Variants in ELAVL2 observed in about 807,000 individuals in gnomAD.
ELAVL2 encodes ELAV-like protein 2.
ELAVL2 carries 4 observed loss-of-function variants against 34.6 expected under a neutral mutation model. The observed-to-expected ratio is 0.12, with a 90% CI of 0.06 to 0.26. The LOEUF is 0.26. Ranked by LOEUF, ELAVL2 falls within the 10% of genes least tolerant of loss-of-function variation. The pLI, the probability that ELAVL2 is intolerant of heterozygous loss-of-function variation, is 1.00. For synonymous variants in ELAVL2, 193 were observed against 154.8 expected (o/e 1.25, Z -1.83); for missense variants, 432 against 442.8 (o/e 0.98, Z 0.22).
intron 1 of ELAVL2, among the ~76,000 whole-genome samples, chr9:23,824,022 A>G (rs1784269026): frequency 6.6e-6 from 1 of 152,256 alleles, no homozygotes; most frequent in South Asian, 2.1e-4. Flanking sequence ...GGGGGAAGGG[A>G]CAGAATCCGT....
chr9:23,747,982 G>A (rs1015444616), intron 2 of ELAVL2, among the ~76,000 whole-genome samples: 1 of 152,050 alleles, frequency 6.6e-6, no homozygotes, highest in Non-Finnish European at 1.5e-5. Context: ...GGCAGAAATA[G>A]GCCACAAACC....
chr9:23,734,357 C>T (rs936427380), intron 2 of ELAVL2, among the ~76,000 whole-genome samples: 15 of 152,228 alleles, frequency 9.9e-5, no homozygotes, highest in South Asian at 2.1e-4. Flanking sequence ...TAACCATGTT[C>T]GGTATTCAGA....
At chr9:23,744,059 G>GGGTCCC (rs1164663429) in intron 2 of ELAVL2, among the ~76,000 whole-genome samples, 3 of 152,268 alleles carry the variant, frequency 2.0e-5, no homozygotes, top group South Asian at 2.1e-4. Context: ...TACCACAAAG[G>GGGTCCC]GGTCCCTAAG....
intron 5 of ELAVL2, among the ~76,000 whole-genome samples, chr9:23,695,928 TC>T (rs1446529230): frequency 6.6e-6 from 1 of 152,144 alleles, no homozygotes; most frequent in African/African-American, 2.4e-5. Context: ...CTCCCTCACT[TC>T]CATCTCTGGC....
chr9:23,723,396 G>A (rs534356838), intron 3 of ELAVL2, among the ~76,000 whole-genome samples: 3 of 151,618 alleles, frequency 2.0e-5, no homozygotes, highest in African/African-American at 7.3e-5. Context: ...ACAGGAAGGG[G>A]AACAACACAC....
intron 3 of ELAVL2, among the ~76,000 whole-genome samples, chr9:23,717,768 T>C (rs2042686719): frequency 6.6e-6 from 1 of 152,182 alleles, no homozygotes; most frequent in African/African-American, 2.4e-5. Flanking sequence ...TACTACACAA[T>C]GACATCAAGG....
intron 6 of ELAVL2, 81 bp downstream of exon 6, chr9:23,693,367 G>C (rs2033896545): frequency 1.3e-6 from 2 of 1,530,608 alleles, no homozygotes; most frequent in Non-Finnish European, 1.8e-6. Flanking sequence ...ACTTATGAGG[G>C]GTGTGAATAG....
intron 3 of ELAVL2, among the ~76,000 whole-genome samples, chr9:23,716,952 T>C (rs978537531): frequency 2.6e-5 from 4 of 152,146 alleles, no homozygotes; most frequent in African/African-American, 9.7e-5. Flanking sequence ...GCAAAACTTT[T>C]ATGAGCAGAG....
At chr9:23,754,272 T>C (rs78256911) in intron 2 of ELAVL2, among the ~76,000 whole-genome samples, 5 of 152,174 alleles carry the variant, frequency 3.3e-5, no homozygotes, top group African/African-American at 1.2e-4. Flanking sequence ...CTTTTCTGTA[T>C]CCTCAAATAG....
At chr9:23,793,508 T>C (rs978958689) in intron 1 of ELAVL2, among the ~76,000 whole-genome samples, 29 of 152,152 alleles carry the variant, frequency 1.9e-4, no homozygotes, top group African/African-American at 6.8e-4. Context: ...TTTCTAAAGC[T>C]ATCACCTAAA....
chr9:23,824,383 G>A (rs1395866254), intron 1 of ELAVL2, among the ~76,000 whole-genome samples: 1 of 152,164 alleles, frequency 6.6e-6, no homozygotes, highest in African/African-American at 2.4e-5. Context: ...CTGCCACCTT[G>A]CCATCCCTAG....
the ELAVL2 span, among the ~76,000 whole-genome samples, chr9:23,842,115 T>C: frequency 1.3e-5 from 2 of 152,150 alleles, no homozygotes; most frequent in Non-Finnish European, 2.9e-5. Context: ...TTTATCTAAG[T>C]CTCACCTTAG....
intron 1 of ELAVL2, among the ~76,000 whole-genome samples, chr9:23,778,927 G>C (rs536422815): frequency 6.6e-6 from 1 of 152,276 alleles, no homozygotes; most frequent in Admixed American, 6.5e-5. Context: ...TGTCCACAAA[G>C]AATTAGGTAT....
At chr9:23,742,156 G>T (rs1316255316) in intron 2 of ELAVL2, among the ~76,000 whole-genome samples, 2 of 152,122 alleles carry the variant, frequency 1.3e-5, no homozygotes, top group Non-Finnish European at 2.9e-5. Context: ...AAAACTAACA[G>T]ATATGGATAA....
intron 1 of ELAVL2, among the ~76,000 whole-genome samples, chr9:23,814,521 T>C (rs2063448594): frequency 6.6e-6 from 1 of 152,048 alleles, no homozygotes; most frequent in South Asian, 2.1e-4. Flanking sequence ...ACTGATGACC[T>C]CGTATTTGGG....
intron 4 of ELAVL2, among the ~76,000 whole-genome samples, chr9:23,702,618 T>C (rs113431614): frequency 0.013 from 1,931 of 152,060 alleles, 42 homozygotes; most frequent in African/African-American, 0.045. Context: ...CTACTTGCTT[T>C]AAAATTAATA....
At chr9:23,770,504 G>T (rs963033292) in intron 1 of ELAVL2, among the ~76,000 whole-genome samples, 5 of 152,204 alleles carry the variant, frequency 3.3e-5, no homozygotes, top group African/African-American at 1.2e-4. Context: ...CTTGGTTACT[G>T]AGGTGGGCCT....
At chr9:23,822,768 G>C (rs993907287) in intron 1 of ELAVL2, among the ~76,000 whole-genome samples, 4 of 152,216 alleles carry the variant, frequency 2.6e-5, no homozygotes, top group African/African-American at 9.6e-5. Context: ...ATACCTACCT[G>C]AAATTGTAGG....
At chr9:23,846,257 C>T in the ELAVL2 span, among the ~76,000 whole-genome samples, 5 of 151,806 alleles carry the variant, frequency 3.3e-5, no homozygotes, top group African/African-American at 2.4e-5. Flanking sequence ...CTTTAGTTCA[C>T]AAAATGAGGG....
Sources: gnomAD v4.1 joint callset for allele counts (sites outside exome capture counted in the v4.1 genomes callset) on GRCh38, gnomAD v4.1.1 for gene constraint, MANE v1.5 for transcripts, NCBI Gene and HGNC (gene_info 2026-07-23, HGNC 2026-07-21) for gene names.